PRKG1: variants seen among roughly 807,000 people sequenced by gnomAD.
PRKG1 encodes cGMP-dependent protein kinase 1.
A neutral mutation model predicts 88.1 loss-of-function variants in PRKG1; 35 were observed. The ratio of observed to expected loss-of-function variants is 0.40; its 90% CI spans 0.30 to 0.53. The LOEUF (loss-of-function observed/expected upper bound fraction) is 0.53. Ranked by LOEUF, PRKG1 falls within the 20% of genes least tolerant of loss-of-function variation. The probability of loss-of-function intolerance (pLI) is 0.59; values close to 1 mark genes in which losing one functional copy is unlikely to be tolerated. For missense variants in PRKG1, 540 were observed against 839.8 expected, an observed-to-expected ratio of 0.64 and a Z score of 4.41; for synonymous variants, 303 against 292.5, an observed-to-expected ratio of 1.04 and a Z score of -0.37.
At chr10:51,660,527 T>A (rs1218371435) in intron 3 of PRKG1, among the ~76,000 whole-genome samples, 4 of 152,106 alleles carry the variant, frequency 2.6e-5, no homozygotes, top group African/African-American at 9.7e-5. Flanking sequence ...TTTTCAAGTA[T>A]TTTTCAACCT....
chr10:52,232,960 G>A (rs1178379147), intron 9 of PRKG1, among the ~76,000 whole-genome samples: 2 of 152,140 alleles, frequency 1.3e-5, no homozygotes. Context: ...AATCCAATCA[G>A]ATACTGTCTG....
intron 5 of PRKG1, among the ~76,000 whole-genome samples, chr10:51,927,716 C>T (rs186224866): frequency 4.6e-5 from 7 of 152,258 alleles, no homozygotes; most frequent in Non-Finnish European, 7.4e-5. Flanking sequence ...TCCCATGACC[C>T]CTCCTTCTAT....
rs144249860 is a variant in PRKG1 at position 52,138,769 on chromosome 10, A to C, written c.1001+4864A>C. On this transcript the variant is annotated intron_variant, in intron 8 of 17. Coordinates refer to ENST00000373980, the MANE Select transcript of PRKG1 (RefSeq NM_006258.4). Reference sequence around the variant, plus strand: ...AAGCATGAGATTGTAGGGCATTGCAAGTAGCAATCTCTGAAACTGAGATAT... The same window carrying C: ...AAGCATGAGATTGTAGGGCATTGCACGTAGCAATCTCTGAAACTGAGATAT... Among the ~76,000 whole-genome samples, 498 of 152,250 alleles carry C rather than the reference A, an allele frequency of 3.3e-3. 2 individuals carry two copies. The highest frequency in any genetic ancestry group is 0.012 in the African/African-American group (485 of 41,566).
chr10:51,766,194 C>A (rs774432209), intron 3 of PRKG1, among the ~76,000 whole-genome samples: 8 of 151,880 alleles, frequency 5.3e-5, no homozygotes, highest in Non-Finnish European at 1.2e-4. Context: ...AGAGAGGAGG[C>A]CCAAAAGAGG....
intron 3 of PRKG1, among the ~76,000 whole-genome samples, chr10:51,690,653 C>A (rs555608341): frequency 2.0e-5 from 3 of 151,914 alleles, no homozygotes; most frequent in Non-Finnish European, 4.4e-5. Flanking sequence ...TTGGGCCGGG[C>A]GCTGTGGCTC....
chr10:52,042,855 G>A (rs1436643533), intron 5 of PRKG1, among the ~76,000 whole-genome samples: 1 of 152,014 alleles, frequency 6.6e-6, no homozygotes, highest in African/African-American at 2.4e-5. Context: ...GTCTATGTAA[G>A]AAACTCAAAC....
intron 2 of PRKG1, among the ~76,000 whole-genome samples, chr10:51,262,813 A>G (rs920097626): frequency 6.6e-6 from 1 of 152,192 alleles, no homozygotes; most frequent in Non-Finnish European, 1.5e-5. Flanking sequence ...ATCAGATCTC[A>G]TGAAAACTCA....
chr10:51,551,737 G>A (rs148794864), intron 3 of PRKG1, among the ~76,000 whole-genome samples: 84 of 151,770 alleles, frequency 5.5e-4, no homozygotes, highest in African/African-American at 2.0e-3. Flanking sequence ...ATAATTGAGT[G>A]AGACTCTTTC....
At chr10:51,867,179 TA>T (rs1274107005) in intron 4 of PRKG1, among the ~76,000 whole-genome samples, 1 of 152,208 alleles carries the variant, frequency 6.6e-6, no homozygotes, top group African/African-American at 2.4e-5. Flanking sequence ...TAAGGACATG[TA>T]ATGTTCCTTG....
chr10:51,554,137 C>A (rs867464535), intron 3 of PRKG1, among the ~76,000 whole-genome samples: 1 of 136,452 alleles, frequency 7.3e-6, no homozygotes, highest in Non-Finnish European at 1.6e-5. Flanking sequence ...ATTATATGTG[C>A]GTATGTGATA....
chr10:51,881,815 T>A (rs770296788), intron 4 of PRKG1, among the ~76,000 whole-genome samples: 1 of 152,210 alleles, frequency 6.6e-6, no homozygotes, highest in Admixed American at 6.5e-5. Context: ...CCTTATTTAT[T>A]GTAGTCTTCA....
At chr10:51,872,039 A>G (rs1158751821) in intron 4 of PRKG1, among the ~76,000 whole-genome samples, 1 of 152,166 alleles carries the variant, frequency 6.6e-6, no homozygotes, top group Admixed American at 6.5e-5. Context: ...ATTTTGCACT[A>G]AGCTCTGCTA....
At position 52,166,815 on chromosome 10, in the gene PRKG1, ATATG is replaced by A. The variant is rs1159814688; in HGVS notation, c.1076+4856_1076+4859del. Among the ~76,000 whole-genome samples, 47 of 1,858 alleles carry A rather than the reference ATATG, an allele frequency of 0.025. 2 individuals are homozygous for A. The East Asian group carries it at 0.29, about 12-fold the overall frequency. The allele number at this position is 1,858 out of a possible 152,430, so 1.2% of individuals were successfully genotyped here. A position where few individuals can be genotyped will look rare whatever the true frequency, so the allele number is the denominator to read the frequency against. ...TATATATACATATATATATGTATAT[ATATG>A]TATATATATGTATATATATGTATAT... On this transcript the variant is annotated intron_variant, in intron 9 of 17. Coordinates refer to ENST00000373980, the MANE Select transcript of PRKG1 (RefSeq NM_006258.4).
chr10:51,604,794 T>C (rs1278518504), intron 3 of PRKG1, among the ~76,000 whole-genome samples: 3 of 152,172 alleles, frequency 2.0e-5, no homozygotes, highest in Non-Finnish European at 2.9e-5. Context: ...CATGGCAGTG[T>C]CCAGGACTCC....
chr10:51,841,756 C>T (rs1455272301), intron 4 of PRKG1, among the ~76,000 whole-genome samples: 3 of 152,070 alleles, frequency 2.0e-5, no homozygotes, highest in African/African-American at 7.2e-5. Flanking sequence ...GATTTCAGCT[C>T]CCTGCCACCT....
At chr10:52,026,147 A>G (rs986419866) in intron 5 of PRKG1, among the ~76,000 whole-genome samples, 19 of 152,240 alleles carry the variant, frequency 1.2e-4, no homozygotes, top group African/African-American at 3.8e-4. Flanking sequence ...GTTTTTTATT[A>G]TAAACATTTT....
rs539768849 is a variant in PRKG1, at chr10:51,948,269, A to G, written c.762+40699A>G. 2.6e-5 allele frequency among the ~76,000 whole-genome samples: 4 copies of G among 152,294 alleles called. No individual in the cohort carries two copies. The East Asian group carries it at 7.7e-4, about 29-fold the overall frequency. ...TCTTCTTAGATTTGACTTTGAAGAT[A>G]CGAAAGTGGCTTTCTGACTGATATT... is the stretch of plus-strand genomic sequence containing the variant. On this transcript the variant is annotated intron_variant, in intron 5 of 17. Transcript: ENST00000373980.
intron 2 of PRKG1, among the ~76,000 whole-genome samples, chr10:51,437,215 TC>T (rs1334722713): frequency 6.6e-6 from 1 of 152,034 alleles, no homozygotes; most frequent in Non-Finnish European, 1.5e-5. Context: ...CTAGATCTGC[TC>T]TTTCTCCTAC....
chr10:51,410,710 A>G (rs1043127665), intron 2 of PRKG1, among the ~76,000 whole-genome samples: 4 of 152,178 alleles, frequency 2.6e-5, no homozygotes, highest in African/African-American at 9.7e-5. Flanking sequence ...GATAATTTGC[A>G]TTGTACAAAC....
Sources: gnomAD v4.1 joint callset for allele counts (sites outside exome capture counted in the v4.1 genomes callset) on GRCh38, gnomAD v4.1.1 for gene constraint, MANE v1.5 for transcripts, NCBI Gene and HGNC (gene_info 2026-07-23, HGNC 2026-07-21) for gene names.